DENND5A: variants seen among roughly 807,000 people sequenced by gnomAD.
DENND5A encodes DENN domain-containing protein 5A.
Under a neutral mutation model 140.3 loss-of-function variants are expected in DENND5A, and 64 were observed. That is an observed-to-expected ratio of 0.46 (90% CI 0.37 to 0.56). The LOEUF (loss-of-function observed/expected upper bound fraction) is 0.56. DENND5A is among the 20% of genes least tolerant of loss of function. The pLI, the probability that DENND5A is intolerant of heterozygous loss-of-function variation, is 0.00. For missense variants in DENND5A, 1,292 were observed against 1,593.8 expected, an observed-to-expected ratio of 0.81 and a Z score of 3.22; for synonymous variants, 605 against 607.7, an observed-to-expected ratio of 1.00 and a Z score of 0.07.
chr11:9,245,478 CTACTCGA>C (rs1373238485), intron 1 of DENND5A: 2 of 151,508 alleles, frequency 1.3e-5, no homozygotes, highest in South Asian at 2.1e-4. Flanking sequence ...GTAATCCCAG[CTACTCGA>C]GAGGCTGAGG....
In DENND5A at chr11:9,204,018, G is replaced by T. The variant is rs768947488; in HGVS notation, c.591C>A (p.Ser197Arg). The stretch of plus-strand genomic sequence containing the variant: ...ACTTAGAGACGTAGAGAGTGTCCCG[G>T]CTAATGTCATAGGAGTTGAAGCGCT... ...KLQRFNSYDISRDTLYVSKCI... is the reference protein window; with the variant it reads ...KLQRFNSYDIRRDTLYVSKCI... The change falls in exon 4 of 23, where the codon AGC (serine) becomes AGA (arginine). Residue 197 changes from serine (S) to arginine (R), a missense_variant. Ser to Arg is a moderately radical substitution (Grantham distance 110). Coordinates refer to ENST00000328194, the MANE Select transcript of DENND5A (RefSeq NM_015213.4). The T allele has an allele frequency of 6.2e-7, 1 of 1,614,140 alleles. No individual in the cohort carries two copies. Among genetic ancestry groups the T allele is most frequent in the Non-Finnish European group, 8.5e-7 (1 of 1,180,008 alleles).
intron 1 of DENND5A, among the ~76,000 whole-genome samples, chr11:9,235,967 G>A (rs1850982468): frequency 6.6e-6 from 1 of 152,176 alleles, no homozygotes; most frequent in South Asian, 2.1e-4. Context: ...CGGGCTAGGT[G>A]CAGTGGCTCA....
intron 2 of DENND5A, chr11:9,207,065 G>A: frequency 2.1e-6 from 1 of 468,510 alleles, no homozygotes; most frequent in South Asian, 2.4e-5. Flanking sequence ...GGGAGAGAGT[G>A]AGAAAGCACA....
intron 10 of DENND5A, among the ~76,000 whole-genome samples, chr11:9,169,006 GGT>G (rs1192564129): frequency 6.6e-6 from 1 of 151,974 alleles, no homozygotes; most frequent in Non-Finnish European, 1.5e-5. Flanking sequence ...AGATTCAGGA[GGT>G]AAATTCAAGA....
chr11:9,263,136 CCTG>C (rs1564950026), intron 1 of DENND5A, among the ~76,000 whole-genome samples: 1 of 152,152 alleles, frequency 6.6e-6, no homozygotes, highest in Non-Finnish European at 1.5e-5. Flanking sequence ...ATTTTCTCCA[CCTG>C]CTATTGAGGA....
intron 17 of DENND5A, chr11:9,145,337 G>GA: frequency 3.4e-6 from 2 of 589,770 alleles, no homozygotes; most frequent in Non-Finnish European, 6.0e-6. Flanking sequence ...CAGGGTCAGG[G>GA]AGCAAGAGAT....
intron 16 of DENND5A, among the ~76,000 whole-genome samples, chr11:9,146,098 C>T (rs567411077): frequency 9.9e-5 from 15 of 152,276 alleles, no homozygotes; most frequent in South Asian, 2.1e-4. Context: ...TGAACCTGTT[C>T]GTTAAACAAT....
At chr11:9,205,323 A>T (rs1372797421) in intron 3 of DENND5A, among the ~76,000 whole-genome samples, 2 of 152,218 alleles carry the variant, frequency 1.3e-5, no homozygotes, top group African/African-American at 4.8e-5. Flanking sequence ...GAACCTGGCT[A>T]TACAAATAAA....
At chr11:9,204,997 A>G (rs1368834142) in intron 3 of DENND5A, among the ~76,000 whole-genome samples, 1 of 152,226 alleles carries the variant, frequency 6.6e-6, no homozygotes, top group Admixed American at 6.5e-5. Context: ...TAAGCATGAC[A>G]GCATGACAGA....
chr11:9,224,731 G>A lies in DENND5A; in HGVS notation c.110-17099C>T, dbSNP rs529443604. On this transcript the variant is annotated intron_variant, in intron 1 of 22. Transcript: ENST00000328194. Reference sequence around the variant, plus strand: ...AAAACAGCCGGGCGTGGTGGCGCGCGCCTGTAATCCCAGCCACTCAGGAGG... The same window carrying A: ...AAAACAGCCGGGCGTGGTGGCGCGCACCTGTAATCCCAGCCACTCAGGAGG... Among the ~76,000 whole-genome samples the A allele has an allele frequency of 5.3e-5, 8 of 151,790 alleles. No individual in the cohort carries two copies. In the East Asian group the frequency reaches 1.2e-3, roughly 22 times the overall value.
At position 9,139,740 on chromosome 11, in the gene DENND5A, A is replaced by G. The variant is rs376643306; in HGVS notation, c.3795T>C (p.Arg1265=). The G allele has an allele frequency of 7.4e-6, 12 of 1,614,132 alleles. No individual in the cohort carries two copies. Among genetic ancestry groups the G allele is most frequent in the East Asian group, 6.7e-5 (3 of 44,876 alleles). The part of the protein sequence containing the change: ...KDHTLVNSLI[R]VLQTLQEFNI... Reference sequence around the variant, plus strand: ...TGAACTCCTGCAATGTCTGCAGCACACGAATCAAGGAATTGACAAGTGTAT... The same window carrying G: ...TGAACTCCTGCAATGTCTGCAGCACGCGAATCAAGGAATTGACAAGTGTAT... The change falls in exon 23 of 23, where the codon CGT becomes CGC. Residue 1265 remains arginine (R), a synonymous_variant. Transcript: ENST00000328194.
At chr11:9,247,274 C>T (rs572092834) in intron 1 of DENND5A, among the ~76,000 whole-genome samples, 1 of 151,506 alleles carries the variant, frequency 6.6e-6, no homozygotes, top group East Asian at 1.9e-4. Context: ...ACTGGGGAGG[C>T]CAGGATTTGA....
chr11:9,196,821 G>T (rs899799485), intron 4 of DENND5A, among the ~76,000 whole-genome samples: 1 of 151,636 alleles, frequency 6.6e-6, no homozygotes, highest in Non-Finnish European at 1.5e-5. Context: ...ATGTTGGTCA[G>T]GTTGGTCTTA....
At chr11:9,237,093 T>A (rs1328612142) in intron 1 of DENND5A, among the ~76,000 whole-genome samples, 2 of 152,176 alleles carry the variant, frequency 1.3e-5, no homozygotes, top group Non-Finnish European at 2.9e-5. Flanking sequence ...TGAAAAGATG[T>A]TCAGCCTAAT....
chr11:9,193,425 G>T, intron 5 of DENND5A, 69 bp downstream of exon 5: 1 of 1,286,938 alleles, frequency 7.8e-7, no homozygotes, highest in Non-Finnish European at 1.0e-6. Context: ...TGCATGCTGG[G>T]TTCATCCCAA....
chr11:9,145,425 C>A (rs1414579773), intron 17 of DENND5A: 1 of 589,328 alleles, frequency 1.7e-6, no homozygotes, highest in Admixed American at 3.0e-5. Flanking sequence ...TCTCAACACA[C>A]TATGCATGGA....
At chr11:9,165,104 ATT>A (rs1255746509) in intron 11 of DENND5A, among the ~76,000 whole-genome samples, 1 of 151,956 alleles carries the variant, frequency 6.6e-6, no homozygotes, top group Non-Finnish European at 1.5e-5. Flanking sequence ...GGTTCAAGAG[ATT>A]CTCCTGCCTC....
intron 1 of DENND5A, among the ~76,000 whole-genome samples, chr11:9,263,017 A>C (rs979592760): frequency 3.3e-5 from 5 of 151,786 alleles, no homozygotes; most frequent in African/African-American, 1.2e-4. Context: ...CTGGGATTAC[A>C]GGCGTGAGCC....
At chr11:9,183,037 T>C (rs1219407742) in intron 5 of DENND5A, among the ~76,000 whole-genome samples, 1 of 152,256 alleles carries the variant, frequency 6.6e-6, no homozygotes, top group Non-Finnish European at 1.5e-5. Context: ...ACCCTGTAAA[T>C]ATGTATAATT....
Sources: gnomAD v4.1 joint callset for allele counts (sites outside exome capture counted in the v4.1 genomes callset) on GRCh38, gnomAD v4.1.1 for gene constraint, MANE v1.5 for transcripts, NCBI Gene and HGNC (gene_info 2026-07-23, HGNC 2026-07-21) for gene names.